The following SLC4A4 variants were observed in gnomAD, a reference collection of about 807,000 sequenced individuals.
SLC4A4 encodes the protein solute carrier family 4 member 4.
Under a neutral mutation model 111.5 loss-of-function variants are expected in SLC4A4, and 27 were observed. The observed-to-expected ratio is 0.24, with a 90% CI of 0.18 to 0.33. The LOEUF (loss-of-function observed/expected upper bound fraction) is 0.33, where lower values mean the gene tolerates loss of function less well. SLC4A4 is among the 10% of genes least tolerant of loss of function. The pLI is 1.00. For missense variants in SLC4A4, 909 were observed against 1,315.5 expected (o/e 0.69, Z 4.78); for synonymous variants, 443 against 463.4 (o/e 0.96, Z 0.57).
intron 3 of SLC4A4, among the ~76,000 whole-genome samples, chr4:71,338,757 T>C (rs73826248): frequency 6.6e-6 from 1 of 152,130 alleles, no homozygotes; most frequent in African/African-American, 2.4e-5. Context: ...CTTGGGCTTG[T>C]TTTTCAAGTG....
At chr4:71,197,455 T>C (rs934332182) in intron 1 of SLC4A4, among the ~76,000 whole-genome samples, 4 of 152,208 alleles carry the variant, frequency 2.6e-5, no homozygotes, top group African/African-American at 9.6e-5. Flanking sequence ...GTTGGATAAA[T>C]TTTACTTATT....
chr4:71,144,472 A>T (rs1346036396), intron 2 of SLC4A4, among the ~76,000 whole-genome samples: 1 of 152,074 alleles, frequency 6.6e-6, no homozygotes, highest in East Asian at 1.9e-4. Context: ...AGTTTTTTCC[A>T]ATTCTGTGAA....
chr4:71,371,820 G>A (rs1484237317), intron 6 of SLC4A4, among the ~76,000 whole-genome samples: 1 of 152,080 alleles, frequency 6.6e-6, no homozygotes, highest in Non-Finnish European at 1.5e-5. Context: ...CTCCTCTGGT[G>A]CAGGTACTTG....
At chr4:71,121,144 G>C (rs371395213) in intron 2 of SLC4A4, among the ~76,000 whole-genome samples, 4 of 152,140 alleles carry the variant, frequency 2.6e-5, no homozygotes, top group East Asian at 1.9e-4. Context: ...ATTCTTGCAG[G>C]GCCTCAGCTG....
chr4:71,254,525 T>A (rs1302703638), intron 2 of SLC4A4, among the ~76,000 whole-genome samples: 1 of 152,156 alleles, frequency 6.6e-6, no homozygotes, highest in Non-Finnish European at 1.5e-5. Context: ...AGAATGGCAC[T>A]GTAGCTGACA....
intron 2 of SLC4A4, among the ~76,000 whole-genome samples, chr4:71,093,928 A>C (rs1040976167): frequency 1.3e-5 from 2 of 152,214 alleles, no homozygotes; most frequent in Non-Finnish European, 2.9e-5. Flanking sequence ...AAATGAAGTC[A>C]CAAAAGCAGG....
At chr4:71,456,824 C>A (rs1052964625) in intron 12 of SLC4A4, among the ~76,000 whole-genome samples, 2 of 152,062 alleles carry the variant, frequency 1.3e-5, no homozygotes, top group African/African-American at 2.4e-5. Context: ...GGGATGAAGT[C>A]CTCTGGCTTC....
At chr4:71,396,923 A>G (rs796190383) in intron 6 of SLC4A4, among the ~76,000 whole-genome samples, 8 of 152,306 alleles carry the variant, frequency 5.3e-5, no homozygotes, top group African/African-American at 1.9e-4. Context: ...AAGAGGATAT[A>G]CTTATTTTAT....
chr4:71,108,666 TATATTC>T (rs1439302946), intron 2 of SLC4A4, among the ~76,000 whole-genome samples: 6 of 152,200 alleles, frequency 3.9e-5, no homozygotes. Flanking sequence ...CTTGGATGTT[TATATTC>T]ATATATTTCC....
At chr4:71,384,831 AC>A (rs933329776) in intron 6 of SLC4A4, among the ~76,000 whole-genome samples, 1 of 151,632 alleles carries the variant, frequency 6.6e-6, no homozygotes, top group African/African-American at 2.4e-5. Flanking sequence ...TTGACTTCTT[AC>A]CTTGTGAAAA....
At chr4:71,412,987 A>T (rs1721498917) in intron 7 of SLC4A4, among the ~76,000 whole-genome samples, 2 of 152,212 alleles carry the variant, frequency 1.3e-5, no homozygotes, top group African/African-American at 4.8e-5. Flanking sequence ...TCAGTTAAGT[A>T]ACCATAACCT....
At chr4:71,327,294 C>CT (rs1448460937) in intron 3 of SLC4A4, among the ~76,000 whole-genome samples, 5 of 151,986 alleles carry the variant, frequency 3.3e-5, no homozygotes, top group African/African-American at 4.8e-5. Flanking sequence ...CTTCTGAAAT[C>CT]TAATACATTT....
chr4:71,441,756 G>A (rs1055578985), intron 8 of SLC4A4, among the ~76,000 whole-genome samples: 2 of 152,070 alleles, frequency 1.3e-5, no homozygotes, highest in Non-Finnish European at 2.9e-5. Flanking sequence ...ATAGATTGCA[G>A]GCTATTCTTC....
intron 16 of SLC4A4, among the ~76,000 whole-genome samples, chr4:71,514,689 G>C (rs1218787197): frequency 6.6e-6 from 1 of 152,066 alleles, no homozygotes; most frequent in African/African-American, 2.4e-5. Context: ...TGGATCTTTT[G>C]AGATTTTCTA....
intron 2 of SLC4A4, among the ~76,000 whole-genome samples, chr4:71,172,794 C>T (rs1744980456): frequency 6.6e-6 from 1 of 152,154 alleles, no homozygotes; most frequent in South Asian, 2.1e-4. Context: ...ACCATCAGAA[C>T]ACCAAGAAAA....
chr4:71,342,199 G>T (rs181038479), intron 4 of SLC4A4, among the ~76,000 whole-genome samples: 1 of 152,018 alleles, frequency 6.6e-6, no homozygotes, highest in African/African-American at 2.4e-5. Context: ...ACTGTTTCTT[G>T]TTCCCCTCTC....
intron 6 of SLC4A4, among the ~76,000 whole-genome samples, chr4:71,385,942 T>C (rs1347707964): frequency 6.6e-6 from 1 of 152,150 alleles, no homozygotes; most frequent in East Asian, 1.9e-4. Flanking sequence ...CTTAGTTAAT[T>C]CCCTCATTTT....
intron 1 of SLC4A4, among the ~76,000 whole-genome samples, chr4:71,213,918 T>A (rs928722769): frequency 2.0e-5 from 3 of 152,134 alleles, no homozygotes; most frequent in African/African-American, 7.2e-5. Flanking sequence ...TTGTGAGAAA[T>A]AAATGTCTGT....
intron 7 of SLC4A4, among the ~76,000 whole-genome samples, chr4:71,440,054 C>T (rs1374919694): frequency 6.6e-6 from 1 of 152,020 alleles, no homozygotes; most frequent in Non-Finnish European, 1.5e-5. Flanking sequence ...AATGTTCTTT[C>T]CTCCAATTTT....
Sources: gnomAD v4.1 joint callset for allele counts (sites outside exome capture counted in the v4.1 genomes callset) on GRCh38, gnomAD v4.1.1 for gene constraint, MANE v1.5 for transcripts, NCBI Gene and HGNC (gene_info 2026-07-23, HGNC 2026-07-21) for gene names.